ZNF140: variants seen among roughly 807,000 people sequenced by gnomAD.
ZNF140 encodes the protein zinc finger protein 140, also known as zinc finger protein 140 (clone pHZ-39).
Under a neutral mutation model 12.9 loss-of-function variants are expected in ZNF140, and 13 were observed. The ratio of observed to expected loss-of-function variants is 1.01; its 90% CI spans 0.66 to 1.60. The LOEUF (loss-of-function observed/expected upper bound fraction) is 1.60. ZNF140 is among the 40% of genes most tolerant of loss of function. ZNF140 has a pLI of 0.00. For synonymous variants in ZNF140, 214 were observed against 186.7 expected (o/e 1.15, Z -1.19); for missense variants, 531 against 548.8 (o/e 0.97, Z 0.32).
At chr12:133,087,380 A>G (rs1266164842) in intron 4 of ZNF140, among the ~76,000 whole-genome samples, 1 of 152,120 alleles carries the variant, frequency 6.6e-6, no homozygotes, top group Non-Finnish European at 1.5e-5. Flanking sequence ...TCTGTGGGAT[A>G]CGAATATATA....
At chr12:133,100,819 G>C (rs1955318498) in intron 4 of ZNF140, among the ~76,000 whole-genome samples, 1 of 150,572 alleles carries the variant, frequency 6.6e-6, no homozygotes, top group Non-Finnish European at 1.5e-5. Context: ...GCTCCTAAGT[G>C]ACTAACAGGT....
At chr12:133,101,729 C>T (rs931207541) in intron 4 of ZNF140, among the ~76,000 whole-genome samples, 62 of 152,338 alleles carry the variant, frequency 4.1e-4, no homozygotes, top group African/African-American at 1.4e-3. Context: ...AGGCGTGAGC[C>T]ACTGCACCTG....
chr12:133,106,440 C>T lies in ZNF140; in HGVS notation c.1163C>T (p.Ala388Val), dbSNP rs1273379953. The T allele has an allele frequency of 1.2e-6, 2 of 1,613,950 alleles. No homozygotes were observed. The highest frequency in any genetic ancestry group is 1.6e-4 in the Middle Eastern group (1 of 6,062). The part of the protein sequence containing the change: ...SHTGEKPYAC[A>V]ECDKAFSRSF... ...ACTGGAGAGAAACCCTATGCGTGTG[C>T]TGAATGTGATAAAGCCTTCAGCCGG... is the stretch of plus-strand genomic sequence containing the variant. Residue 388 changes from alanine to valine, a missense_variant, in exon 5 of 5, where the codon GCT (alanine) becomes GTT (valine). Coordinates refer to ENST00000355557, the MANE Select transcript of ZNF140 (RefSeq NM_003440.4).
Position 133,106,161 on chromosome 12 carries a change from A to G in ZNF140, c.884A>G (p.His295Arg). ...GAACTCATTCGCCACCAGATTACAC[A>G]TACTGGAGAGAAACCTTATGAATGC... ...GSELIRHQIT[H>R]TGEKPYECIE... is the part of the protein sequence containing the mutation. Residue 295 changes from histidine to arginine, a missense_variant, in exon 5 of 5, where the codon CAT becomes CGT. Coordinates refer to ENST00000355557, the MANE Select transcript of ZNF140 (RefSeq NM_003440.4). 6.2e-7 allele frequency: 1 copy of G among 1,614,206 alleles called. No individual in the cohort carries two copies. The highest frequency in any genetic ancestry group is 1.3e-5 in the African/African-American group (1 of 75,048).
chr12:133,106,260 C>T lies in ZNF140; in HGVS notation c.983C>T (p.Pro328Leu), dbSNP rs145642591. Residue 328 changes from proline (P) to leucine (L), a missense_variant, in exon 5 of 5, where the codon CCG (proline) becomes CTG (leucine). Pro to Leu is a moderately conservative substitution (Grantham distance 98). Transcript: ENST00000355557. The stretch of plus-strand genomic sequence containing the variant: ...CAGAGCATCCATACAACCAAAACCC[C>T]GTATGAATGTAATGAATGTAGGAAA... ...RHQSIHTTKT[P>L]YECNECRKAF... The T allele has an allele frequency of 6.9e-5, 111 of 1,614,020 alleles. No individual in the cohort carries two copies. The African/African-American group carries it at 9.9e-4, about 14-fold the overall frequency.
At chr12:133,082,455 G>T (rs1400546374) in intron 2 of ZNF140, 1 of 152,332 alleles carries the variant, frequency 6.6e-6, no homozygotes, top group East Asian at 1.9e-4. Flanking sequence ...GCAAAACCAG[G>T]CTGCAAAGCA....
chr12:133,094,610 A>C (rs1955001353), intron 4 of ZNF140, among the ~76,000 whole-genome samples: 1 of 151,218 alleles, frequency 6.6e-6, no homozygotes, highest in African/African-American at 2.4e-5. Context: ...TAACTATTTT[A>C]TGTAACACCC....
chr12:133,105,295 AC>A (rs1955550603), intron 4 of ZNF140, among the ~76,000 whole-genome samples: 1 of 152,170 alleles, frequency 6.6e-6, no homozygotes, highest in Non-Finnish European at 1.5e-5. Flanking sequence ...TCAATTACTT[AC>A]GTTTACACTT....
Position 133,081,348 on chromosome 12 carries a change from A to AATGT in ZNF140, c.9+21_9+22insGTAT. 1 of 317,000 alleles carries AATGT rather than the reference A, an allele frequency of 3.2e-6. No homozygotes were observed. Among genetic ancestry groups the AATGT allele is most frequent in the East Asian group, 8.1e-5 (1 of 12,314 alleles). The allele number at this position is 317,000 out of a possible 1,614,324, so 19.6% of individuals were successfully genotyped here. On this transcript the variant is annotated intron_variant, in intron 2 of 4. Transcript: ENST00000355557. The stretch of plus-strand genomic sequence containing the variant: ...GTCTCAGGTAAGCTAATGATTGATA[A>AATGT]ATATATATATATATATATATATAAA...
In ZNF140 at chr12:133,081,298, C is replaced by T. The variant is rs1274159399; in HGVS notation, c.-23C>T. ...GTCTGCCATTTTACACTTTTCTGAT[C>T]TCCTCCTTCCCTTCTGTGAGCTATG... On this transcript the variant is annotated 5_prime_UTR_variant, in exon 2 of 5. Transcript: ENST00000355557. 1.4e-5 allele frequency: 22 copies of T among 1,535,800 alleles called. No individual in the cohort carries two copies. Among genetic ancestry groups the T allele is most frequent in the Non-Finnish European group, 1.9e-5 (21 of 1,131,118 alleles).
In ZNF140 at chr12:133,081,312, C is replaced by A; in HGVS notation, c.-9C>A. 5 of 1,505,860 alleles carry A rather than the reference C, an allele frequency of 3.3e-6. No individual in the cohort carries two copies. Among genetic ancestry groups the A allele is most frequent in the Non-Finnish European group, 4.5e-6 (5 of 1,110,744 alleles). The allele number at this position is 1,505,860 out of a possible 1,614,324, so 93.3% of individuals were successfully genotyped here. A position where few individuals can be genotyped will look rare whatever the true frequency, so the allele number is the denominator to read the frequency against. On this transcript the variant is annotated 5_prime_UTR_variant, in exon 2 of 5. It adds an upstream start codon to the 5' untranslated region. Transcript: ENST00000355557. ...ACTTTTCTGATCTCCTCCTTCCCTT[C>A]TGTGAGCTATGTCTCAGGTAAGCTA...
At chr12:133,097,850 T>TGTGTGTGTGTGTGTG (rs1491441408) in intron 4 of ZNF140, among the ~76,000 whole-genome samples, 40 of 150,232 alleles carry the variant, frequency 2.7e-4, no homozygotes, top group South Asian at 8.4e-4. Flanking sequence ...TGTGTGTGTG[T>TGTGTGTGTGTGTGTG]TTTTGAGATG....
chr12:133,106,538 T>G lies in ZNF140; in HGVS notation c.1261T>G (p.Ser421Ala), dbSNP rs1328483649. The G allele has an allele frequency of 6.2e-7, 1 of 1,613,976 alleles. No homozygotes were observed. Among genetic ancestry groups the G allele is most frequent in the African/African-American group, 1.3e-5 (1 of 75,044 alleles). The change falls in exon 5 of 5, where the codon TCC (serine) becomes GCC (alanine). Residue 421 changes from serine (S) to alanine (A), a missense_variant. Physicochemically the swap from Ser to Ala is moderately conservative, Grantham distance 99. Transcript: ENST00000355557. The part of the protein sequence containing the change: ...KPYVCKVCNK[S>A]FSWSSNLAKH... ...CTATGTATGTAAGGTATGCAACAAA[T>G]CCTTCAGCTGGAGCTCAAACCTTGC...
upstream of ZNF140, chr12:133,080,903 C>T (rs1026398975): frequency 2.0e-5 from 3 of 153,140 alleles, no homozygotes; most frequent in Admixed American, 6.5e-5. Context: ...GCGGAGGGGC[C>T]CTGGGGGGCG....
At chr12:133,093,599 ATT>A in intron 4 of ZNF140, 2 of 635,644 alleles carry the variant, frequency 3.1e-6, no homozygotes, top group Non-Finnish European at 5.7e-6. Flanking sequence ...CCCATGTTTT[ATT>A]TTTGTTGTCT....
At chr12:133,096,803 C>T (rs1446787359) in intron 4 of ZNF140, among the ~76,000 whole-genome samples, 7 of 152,162 alleles carry the variant, frequency 4.6e-5, no homozygotes, top group African/African-American at 1.2e-4. Flanking sequence ...CGTCTATCTT[C>T]GTGAATGTCT....
chr12:133,083,179 A>G lies in ZNF140; in HGVS notation c.86A>G (p.Asp29Gly). 2 of 1,614,142 alleles carry G rather than the reference A, an allele frequency of 1.2e-6. No homozygotes were observed. Among genetic ancestry groups the G allele is most frequent in the African/African-American group, 1.3e-5 (1 of 75,022 alleles). Residue 29 changes from aspartate (D) to glycine (G), a missense_variant, in exon 3 of 5, where the codon GAT (aspartate) becomes GGT (glycine). Transcript: ENST00000355557. ...EWKWLQPAQR[D>G]LYRCVMLENY... ...AAATGGCTTCAGCCTGCTCAAAGAGATTTGTACAGATGTGTAATGTTGGAG... is the reference window on the plus strand; with the variant it reads ...AAATGGCTTCAGCCTGCTCAAAGAGGTTTGTACAGATGTGTAATGTTGGAG...
intron 4 of ZNF140, among the ~76,000 whole-genome samples, chr12:133,090,657 A>C (rs796601497): frequency 6.8e-6 from 1 of 146,396 alleles, no homozygotes; most frequent in Non-Finnish European, 1.5e-5. Flanking sequence ...CCAGGGGACC[A>C]GCACTCAGCA....
At position 133,106,565 on chromosome 12, in the gene ZNF140, A is replaced by G. The variant is rs1181175855; in HGVS notation, c.1288A>G (p.Lys430Glu). 1.2e-6 allele frequency: 2 copies of G among 1,613,774 alleles called. No individual in the cohort carries two copies. The highest frequency in any genetic ancestry group is 1.7e-6 in the Non-Finnish European group (2 of 1,179,986). The change falls in exon 5 of 5, where the codon AAA becomes GAA. Residue 430 changes from lysine (K) to glutamate (E), a missense_variant. Transcript: ENST00000355557. Reference sequence around the variant, plus strand: ...CTTCAGCTGGAGCTCAAACCTTGCTAAACATCAGAGGACACACACTCTTGA... The same window carrying G: ...CTTCAGCTGGAGCTCAAACCTTGCTGAACATCAGAGGACACACACTCTTGA... ...KSFSWSSNLA[K>E]HQRTHTLDNP... is the part of the protein sequence containing the mutation.
Sources: allele counts gnomAD v4.1 joint callset (sites outside exome capture counted in the v4.1 genomes callset), GRCh38; gene constraint gnomAD v4.1.1; transcripts MANE v1.5; gene names NCBI Gene and HGNC (gene_info 2026-07-23, HGNC 2026-07-21).